The following TNFRSF19 variants were observed in gnomAD, a reference collection of about 807,000 sequenced individuals.
TNFRSF19 encodes the protein tumor necrosis factor receptor superfamily member 19.
In TNFRSF19, 27 loss-of-function variants were observed where a neutral mutation model predicts 46.4. The observed-to-expected ratio is 0.58, with a 90% CI of 0.43 to 0.80. The LOEUF is 0.80. Among genes scored for constraint, TNFRSF19 ranks in the 30% least tolerant of loss-of-function variants. TNFRSF19 has a pLI of 0.00. For missense variants in TNFRSF19, 511 were observed against 530.8 expected (o/e 0.96, Z 0.37); for synonymous variants, 204 against 205.0 (o/e 1.00, Z 0.04).
intron 4 of TNFRSF19, 28 bp downstream of exon 4, chr13:23,616,073 A>G (rs1328786229): frequency 9.7e-6 from 15 of 1,554,400 alleles, no homozygotes; most frequent in Non-Finnish European, 1.3e-5. Flanking sequence ...TTTCACTTGT[A>G]ATTATTTAAT....
chr13:23,657,991 G>A (rs1266689186), intron 5 of TNFRSF19, among the ~76,000 whole-genome samples: 1 of 152,116 alleles, frequency 6.6e-6, no homozygotes, highest in Non-Finnish European at 1.5e-5. Context: ...GCAGAGTGAG[G>A]GCCCCTCAGC....
In TNFRSF19 at chr13:23,673,467, C is replaced by G; in HGVS notation, c.*87C>G. ...GGCTTATGGACTGAGCAGTCTGGAC[C>G]TTGCATGGCTTCTGGGGCAAAAATA... On this transcript the variant is annotated 3_prime_UTR_variant, in exon 10 of 10. Coordinates refer to ENST00000248484, the MANE Select transcript of TNFRSF19 (RefSeq NM_148957.4). The G allele has an allele frequency of 6.9e-7, 1 of 1,447,164 alleles. No individual in the cohort carries two copies. Among genetic ancestry groups the G allele is most frequent in the Non-Finnish European group, 9.2e-7 (1 of 1,089,690 alleles). The allele number at this position is 1,447,164 out of a possible 1,614,324, so 89.6% of individuals were successfully genotyped here. A position where few individuals can be genotyped will look rare whatever the true frequency, so the allele number is the denominator to read the frequency against.
intron 7 of TNFRSF19, among the ~76,000 whole-genome samples, chr13:23,667,120 G>GATATATATATAT (rs746299138): frequency 1.5e-3 from 129 of 87,686 alleles, no homozygotes; most frequent in South Asian, 5.4e-3. Context: ...AAATCAGAGT[G>GATATATATATAT]ATATATATAT....
At chr13:23,637,054 T>C (rs1011744687) in intron 5 of TNFRSF19, among the ~76,000 whole-genome samples, 3 of 152,074 alleles carry the variant, frequency 2.0e-5, no homozygotes, top group Non-Finnish European at 2.9e-5. Flanking sequence ...GTTGTTTTTT[T>C]TCCTAAACCC....
intron 3 of TNFRSF19, among the ~76,000 whole-genome samples, chr13:23,598,843 C>A (rs544954579): frequency 3.3e-5 from 5 of 152,266 alleles, no homozygotes; most frequent in Non-Finnish European, 7.4e-5. Flanking sequence ...AACATCAAAG[C>A]CTTTCTGTTA....
intron 5 of TNFRSF19, among the ~76,000 whole-genome samples, chr13:23,628,789 A>G (rs1730457763): frequency 6.6e-6 from 1 of 152,102 alleles, no homozygotes; most frequent in Admixed American, 6.5e-5. Context: ...ATACATATAT[A>G]TGTGTGTGTA....
intron 3 of TNFRSF19, among the ~76,000 whole-genome samples, chr13:23,613,174 T>C (rs1026081087): frequency 2.0e-5 from 3 of 152,376 alleles, no homozygotes; most frequent in Admixed American, 6.5e-5. Context: ...GTTTATTTAT[T>C]GGATTGTAGA....
At chr13:23,613,028 A>T (rs1429452956) in intron 3 of TNFRSF19, among the ~76,000 whole-genome samples, 1 of 152,182 alleles carries the variant, frequency 6.6e-6, no homozygotes. Context: ...TGTTCCACTA[A>T]ACTTGTTTTA....
chr13:23,589,191 T>C (rs1301011730), intron 1 of TNFRSF19, among the ~76,000 whole-genome samples: 1 of 152,188 alleles, frequency 6.6e-6, no homozygotes, highest in African/African-American at 2.4e-5. Flanking sequence ...TGCAGCCAGA[T>C]GAGGCTTCGC....
In TNFRSF19 at chr13:23,634,000, GAT is replaced by G. The variant is rs1653917303; in HGVS notation, c.445+7211_445+7212del. ...AGCTATTTCAAACACTTATTCTCCA[GAT>G]ATGTTTCCATAGCCCTAATTTCATT... is the stretch of plus-strand genomic sequence containing the variant. On this transcript the variant is annotated intron_variant, in intron 5 of 9. Coordinates refer to ENST00000248484, the MANE Select transcript of TNFRSF19 (RefSeq NM_148957.4). Among the ~76,000 whole-genome samples the G allele has an allele frequency of 4.6e-5, 7 of 152,298 alleles. No homozygotes were observed. In the South Asian group the frequency reaches 1.2e-3, roughly 27 times the overall value.
chr13:23,671,009 C>G (rs1428095331), intron 9 of TNFRSF19, among the ~76,000 whole-genome samples: 10 of 152,220 alleles, frequency 6.6e-5, no homozygotes, highest in Non-Finnish European at 5.9e-5. Context: ...AATGAAACGT[C>G]TTCATACGAG....
At chr13:23,606,927 C>T (rs1419393612) in intron 3 of TNFRSF19, among the ~76,000 whole-genome samples, 3 of 152,112 alleles carry the variant, frequency 2.0e-5, no homozygotes, top group African/African-American at 7.2e-5. Context: ...CCTTTTGCAA[C>T]AGCATATGTC....
intron 5 of TNFRSF19, among the ~76,000 whole-genome samples, chr13:23,630,403 C>T (rs114029843): frequency 0.048 from 7,353 of 152,114 alleles, 338 homozygotes; most frequent in African/African-American, 0.12. Flanking sequence ...AGTCTCTCCC[C>T]TCTCTATCTG....
intron 3 of TNFRSF19, among the ~76,000 whole-genome samples, chr13:23,604,357 A>G (rs1451448604): frequency 1.3e-5 from 2 of 152,040 alleles, no homozygotes; most frequent in Non-Finnish European, 2.9e-5. Flanking sequence ...AAATAAAAGA[A>G]GAACTAAATA....
chr13:23,631,440 T>G lies in TNFRSF19; in HGVS notation c.445+4648T>G, dbSNP rs559149074. Among the ~76,000 whole-genome samples the G allele has an allele frequency of 3.9e-5, 6 of 152,322 alleles. No individual in the cohort carries two copies. The South Asian group carries it at 6.2e-4, about 16-fold the overall frequency. ...CATATAATGACTTGTCTGGGTAAAG[T>G]GTCACACAGGTATGTGGCCTACAGT... On this transcript the variant is annotated intron_variant, in intron 5 of 9. Transcript: ENST00000248484.
intron 3 of TNFRSF19, among the ~76,000 whole-genome samples, chr13:23,596,638 C>T (rs900032442): frequency 6.6e-6 from 1 of 152,044 alleles, no homozygotes; most frequent in Non-Finnish European, 1.5e-5. Context: ...ACCTGGACTC[C>T]CACACAATAA....
chr13:23,591,880 C>A (rs1415036876), intron 2 of TNFRSF19, among the ~76,000 whole-genome samples: 1 of 152,040 alleles, frequency 6.6e-6, no homozygotes, highest in Non-Finnish European at 1.5e-5. Context: ...GTGCGCACCA[C>A]CACACCTAGC....
At chr13:23,650,486 A>G (rs1006125606) in intron 5 of TNFRSF19, among the ~76,000 whole-genome samples, 3 of 152,254 alleles carry the variant, frequency 2.0e-5, no homozygotes, top group African/African-American at 7.2e-5. Context: ...AAGAAGCCAG[A>G]CATAAAAGGC....
At chr13:23,600,719 G>A (rs1376658063) in intron 3 of TNFRSF19, among the ~76,000 whole-genome samples, 2 of 152,090 alleles carry the variant, frequency 1.3e-5, no homozygotes, top group African/African-American at 2.4e-5. Context: ...GTCTGCTCCA[G>A]CCATTCTCTC....
Sources: allele counts gnomAD v4.1 joint callset (sites outside exome capture counted in the v4.1 genomes callset), GRCh38; gene constraint gnomAD v4.1.1; transcripts MANE v1.5; gene names NCBI Gene and HGNC (gene_info 2026-07-23, HGNC 2026-07-21).